STAG1: variants seen among roughly 807,000 people sequenced by gnomAD.
STAG1 encodes STAG1 cohesin complex component.
STAG1 carries 26 observed loss-of-function variants against 170.9 expected under a neutral mutation model. The observed-to-expected ratio is 0.15, with a 90% CI of 0.11 to 0.21. The LOEUF (loss-of-function observed/expected upper bound fraction) is 0.21. Ranked by LOEUF, STAG1 falls within the 10% of genes least tolerant of loss-of-function variation. The pLI, the probability that STAG1 is intolerant of heterozygous loss-of-function variation, is 1.00. For missense variants in STAG1, 964 were observed against 1,509.5 expected, an observed-to-expected ratio of 0.64 and a Z score of 5.99; for synonymous variants, 514 against 497.7, an observed-to-expected ratio of 1.03 and a Z score of -0.44.
At chr3:136,587,799 A>T (rs1468149470) in intron 4 of STAG1, among the ~76,000 whole-genome samples, 1 of 152,006 alleles carries the variant, frequency 6.6e-6, no homozygotes, top group African/African-American at 2.4e-5. Context: ...TACCAAAAAC[A>T]CAAAAATTAG....
At chr3:136,415,726 GC>G (rs764827118) in intron 21 of STAG1, among the ~76,000 whole-genome samples, 27 of 152,302 alleles carry the variant, frequency 1.8e-4, no homozygotes, top group Non-Finnish European at 3.4e-4. Flanking sequence ...GGCGGCCGAG[GC>G]GGAAGAATCG....
At chr3:136,538,377 G>A (rs1935741478) in intron 6 of STAG1, among the ~76,000 whole-genome samples, 1 of 150,422 alleles carries the variant, frequency 6.6e-6, no homozygotes, top group South Asian at 2.1e-4. Context: ...ATGTAGTTCA[G>A]AACTAAGAAG....
chr3:136,346,095 T>C (rs1381011436), intron 29 of STAG1, among the ~76,000 whole-genome samples: 1 of 152,222 alleles, frequency 6.6e-6, no homozygotes, highest in Non-Finnish European at 1.5e-5. Context: ...CCAGAAAATC[T>C]TCCTGTATTC....
intron 1 of STAG1, among the ~76,000 whole-genome samples, chr3:136,739,257 A>G (rs1361646759): frequency 6.6e-6 from 1 of 151,484 alleles, no homozygotes; most frequent in Non-Finnish European, 1.5e-5. Flanking sequence ...GTGGCTCACA[A>G]CTATAATCCC....
chr3:136,647,748 A>G (rs1941082687), intron 1 of STAG1, among the ~76,000 whole-genome samples: 1 of 152,206 alleles, frequency 6.6e-6, no homozygotes, highest in East Asian at 1.9e-4. Flanking sequence ...GTAATTTCGT[A>G]TACATGTTAG....
At chr3:136,370,788 CTT>C (rs1380686481) in intron 23 of STAG1, among the ~76,000 whole-genome samples, 2 of 152,132 alleles carry the variant, frequency 1.3e-5, no homozygotes, top group African/African-American at 4.8e-5. Flanking sequence ...GGTTCCAAGT[CTT>C]TGCTATTGTG....
chr3:136,677,214 T>C (rs1942153446), intron 1 of STAG1, among the ~76,000 whole-genome samples: 1 of 152,154 alleles, frequency 6.6e-6, no homozygotes, highest in Admixed American at 6.5e-5. Context: ...ATTGTATACG[T>C]CCCATACTTT....
intron 7 of STAG1, among the ~76,000 whole-genome samples, chr3:136,513,574 G>A (rs995677386): frequency 6.6e-6 from 1 of 151,862 alleles, no homozygotes; most frequent in Non-Finnish European, 1.5e-5. Flanking sequence ...CAAGAAACAG[G>A]ATCACAACCA....
At chr3:136,599,764 T>C (rs998003998) in intron 4 of STAG1, among the ~76,000 whole-genome samples, 5 of 152,228 alleles carry the variant, frequency 3.3e-5, no homozygotes, top group African/African-American at 4.8e-5. Flanking sequence ...AGTAACATAA[T>C]GTACTGTTTT....
chr3:136,608,462 CAG>C (rs1350924100), intron 3 of STAG1, among the ~76,000 whole-genome samples: 7 of 146,374 alleles, frequency 4.8e-5, no homozygotes, highest in African/African-American at 1.8e-4. Flanking sequence ...GCCGGGGAGG[CAG>C]AGTCTGCAGT....
intron 1 of STAG1, among the ~76,000 whole-genome samples, chr3:136,741,276 T>C (rs1208460613): frequency 1.3e-5 from 2 of 152,258 alleles, no homozygotes; most frequent in Non-Finnish European, 2.9e-5. Context: ...GTCTGGCTAC[T>C]GACACAGTGC....
intron 4 of STAG1, among the ~76,000 whole-genome samples, chr3:136,588,248 A>G (rs1048292456): frequency 5.9e-5 from 9 of 152,122 alleles, no homozygotes; most frequent in Non-Finnish European, 1.5e-5. Context: ...ACTTATTAAC[A>G]TTAGTGTCAT....
intron 4 of STAG1, chr3:136,586,940 G>A (rs1337319094): frequency 2.2e-6 from 1 of 454,022 alleles, no homozygotes; most frequent in Non-Finnish European, 4.4e-6. Flanking sequence ...GGGGTAAGAA[G>A]AGCCAGAAAA....
rs1356361008 is a variant in STAG1 at position 136,644,180 on chromosome 3, ATAT to A, written c.-83-13202_-83-13200del. The stretch of plus-strand genomic sequence containing the variant: ...CAGTAGCATATTTACTATTAAATAA[ATAT>A]TATGCTTCACTACTATAAGAAAATT... On this transcript the variant is annotated intron_variant, in intron 1 of 33. Coordinates refer to ENST00000383202, the MANE Select transcript of STAG1 (RefSeq NM_005862.3). Among the ~76,000 whole-genome samples, 6 of 152,344 alleles carry A rather than the reference ATAT, an allele frequency of 3.9e-5. No homozygotes were observed. The East Asian group carries it at 1.2e-3, about 29-fold the overall frequency.
At position 136,549,220 on chromosome 3, in the gene STAG1, A is replaced by C. The variant is rs1422849470; in HGVS notation, c.395-7025T>G. Among the ~76,000 whole-genome samples, 3 of 152,242 alleles carry C rather than the reference A, an allele frequency of 2.0e-5. No individual in the cohort carries two copies. In the East Asian group the frequency reaches 5.8e-4, roughly 29 times the overall value. On this transcript the variant is annotated intron_variant, in intron 5 of 33. Transcript: ENST00000383202. The stretch of plus-strand genomic sequence containing the variant: ...AGAAAGTTCACTTTTAATGTATAGA[A>C]ATACAACTAAATTTATATGTTGATG...
intron 30 of STAG1, among the ~76,000 whole-genome samples, chr3:136,342,311 G>A (rs1936012769): frequency 1.3e-5 from 2 of 151,258 alleles, no homozygotes; most frequent in South Asian, 4.2e-4. Flanking sequence ...GAGCCACCGC[G>A]CCCAGCCAGG....
intron 14 of STAG1, among the ~76,000 whole-genome samples, chr3:136,446,809 T>A (rs1239175501): frequency 6.6e-6 from 1 of 151,022 alleles, no homozygotes; most frequent in Non-Finnish European, 1.5e-5. Flanking sequence ...TTCTCTTTCA[T>A]ATTTTTTTTT....
At chr3:136,615,192 C>A (rs947105034) in intron 3 of STAG1, among the ~76,000 whole-genome samples, 1 of 150,892 alleles carries the variant, frequency 6.6e-6, no homozygotes, top group South Asian at 2.1e-4. Flanking sequence ...GGTTCCAGAA[C>A]GAAAAAACAC....
intron 15 of STAG1, among the ~76,000 whole-genome samples, chr3:136,437,162 A>C (rs2088483728): frequency 6.6e-6 from 1 of 152,248 alleles, no homozygotes. Context: ...TTATCTCAAG[A>C]ACAGAAACAT....
Sources: gnomAD v4.1 joint callset for allele counts (sites outside exome capture counted in the v4.1 genomes callset) on GRCh38, gnomAD v4.1.1 for gene constraint, MANE v1.5 for transcripts, NCBI Gene and HGNC (gene_info 2026-07-23, HGNC 2026-07-21) for gene names.